The following FGB variants were observed in gnomAD, a reference collection of about 807,000 sequenced individuals.
FGB encodes the protein beta-fibrinogen.
FGB carries 25 observed loss-of-function variants against 57.9 expected under a neutral mutation model. The ratio of observed to expected loss-of-function variants is 0.43; its 90% CI spans 0.31 to 0.60. The LOEUF (loss-of-function observed/expected upper bound fraction) is 0.60. Ranked by LOEUF, FGB falls within the 20% of genes least tolerant of loss-of-function variation. The probability of loss-of-function intolerance (pLI) is 0.08; values close to 1 mark genes in which losing one functional copy is unlikely to be tolerated. For missense variants in FGB, 536 were observed against 598.4 expected, an observed-to-expected ratio of 0.90 and a Z score of 1.09; for synonymous variants, 203 against 199.2, an observed-to-expected ratio of 1.02 and a Z score of -0.16.
Position 154,570,843 on chromosome 4 carries a change from C to G in FGB, c.*193C>G. 1.6e-6 allele frequency: 1 copy of G among 626,656 alleles called. No individual in the cohort carries two copies. The highest frequency in any genetic ancestry group is 2.9e-6 in the Non-Finnish European group (1 of 346,820). 38.8% of individuals were successfully genotyped at this position (626,656 alleles called of 1,614,324 possible). A position where few individuals can be genotyped will look rare whatever the true frequency, so the allele number is the denominator to read the frequency against. ...TCTTTTGTTTTCTTCATTTCTCTTGCTCACCAAGAAGTAACAAAAGTATAG... is the reference window on the plus strand; with the variant it reads ...TCTTTTGTTTTCTTCATTTCTCTTGGTCACCAAGAAGTAACAAAAGTATAG... On this transcript the variant is annotated 3_prime_UTR_variant, in exon 8 of 8. Coordinates refer to ENST00000302068, the MANE Select transcript of FGB (RefSeq NM_005141.5).
At chr4:154,568,600 C>G in intron 5 of FGB, 106 bp downstream of exon 5, 2 of 736,494 alleles carry the variant, frequency 2.7e-6, no homozygotes, top group South Asian at 2.8e-5. Context: ...AATTCCAGCA[C>G]CTTGGGAGGC....
Position 154,565,915 on chromosome 4 carries a change from T to A in FGB, c.222T>A (p.Arg74=). The change falls in exon 2 of 8, where the codon CGT becomes CGA. Residue 74 remains arginine (R), a synonymous_variant. Coordinates refer to ENST00000302068, the MANE Select transcript of FGB (RefSeq NM_005141.5). ...TCAGTGGAGGTGGCTATCGGGCTCG[T>A]CCAGCCAAAGCAGCTGCCACTCAAA... ...PPISGGGYRA[R]PAKAAATQKK... is the part of the protein sequence containing the mutation. 2 of 1,614,014 alleles carry A rather than the reference T, an allele frequency of 1.2e-6. No homozygotes were observed. The highest frequency in any genetic ancestry group is 8.5e-7 in the Non-Finnish European group (1 of 1,180,022).
At position 154,570,685 on chromosome 4, in the gene FGB, GACA is replaced by G. The variant is rs758707026; in HGVS notation, c.*39_*41del. 2.6e-6 allele frequency: 4 copies of G among 1,509,632 alleles called. No individual in the cohort carries two copies. In the African/African-American group the frequency reaches 5.5e-5, roughly 21 times the overall value. The allele number at this position is 1,509,632 out of a possible 1,614,324, so 93.5% of individuals were successfully genotyped here. A position where few individuals can be genotyped will look rare whatever the true frequency, so the allele number is the denominator to read the frequency against. ...CGTAGATTTTTGCTCTTCTGTATGT[GACA>G]ACATTTTTGTACATTATGTTATTGG... On this transcript the variant is annotated 3_prime_UTR_variant, in exon 8 of 8. Transcript: ENST00000302068.
rs956243830 is a variant in FGB at position 154,572,322 on chromosome 4, G to A, written c.*1672G>A. On this transcript the variant is annotated 3_prime_UTR_variant, in exon 8 of 8. Coordinates refer to ENST00000302068, the MANE Select transcript of FGB (RefSeq NM_005141.5). ...CCCTATTGATTCCAACAGGGATGGC[G>A]CCTTGTCCAAGAAGAGACCCAGAGC... 1.3e-5 allele frequency among the ~76,000 whole-genome samples: 2 copies of A among 152,128 alleles called. No homozygotes were observed. Among genetic ancestry groups the A allele is most frequent in the Admixed American group, 6.6e-5 (1 of 15,266 alleles).
chr4:154,563,007 A>G, upstream of FGB: 1 of 1,331,706 alleles, frequency 7.5e-7, no homozygotes, highest in Non-Finnish European at 1.1e-6. Flanking sequence ...AAGATCTCTC[A>G]GTTAAGTCTA....
rs1222826621 is a variant in FGB at position 154,566,505 on chromosome 4, C to T, written c.323C>T (p.Thr108Ile). The change falls in exon 3 of 8, where the codon ACA becomes ATA. Residue 108 changes from threonine to isoleucine, a missense_variant. Around this residue, in one of 3 missense-constraint regions of FGB, gnomAD observed 354 missense variants for 383.4 expected, o/e 0.92. Transcript: ENST00000302068. Reference protein sequence around the residue: ...ADPDLGVLCPTGCQLQEALLQ... With the variant: ...ADPDLGVLCPIGCQLQEALLQ... ...TGTTTTTAGGGGGTGTTGTGTCCTA[C>T]AGGATGTCAGTTGCAAGAGGCTTTG... 6.2e-6 allele frequency: 10 copies of T among 1,613,960 alleles called. No homozygotes were observed. The Admixed American group carries it at 1.5e-4, about 24-fold the overall frequency.
chr4:154,569,590 G>C lies in FGB; in HGVS notation c.1035G>C (p.Glu345Asp), dbSNP rs755184215. Residue 345 changes from glutamate (E) to aspartate (D), a missense_variant, in exon 7 of 8, where the codon GAG becomes GAC. Glu to Asp is a conservative substitution (Grantham distance 45, BLOSUM62 2). Coordinates refer to ENST00000302068, the MANE Select transcript of FGB (RefSeq NM_005141.5). ...MGPTELLIEM[E>D]DWKGDKVKAH... ...CCACAGAACTTTTGATAGAAATGGA[G>C]GACTGGAAAGGAGACAAAGTAAAGG... is the stretch of plus-strand genomic sequence containing the variant. 2 of 1,614,040 alleles carry C rather than the reference G, an allele frequency of 1.2e-6. No individual in the cohort carries two copies. Among genetic ancestry groups the C allele is most frequent in the South Asian group, 1.1e-5 (1 of 91,068 alleles).
chr4:154,572,299 C>T lies in FGB; in HGVS notation c.*1649C>T, dbSNP rs950760209. Among the ~76,000 whole-genome samples, 1 of 152,100 alleles carries T rather than the reference C, an allele frequency of 6.6e-6. No individual in the cohort carries two copies. Among genetic ancestry groups the T allele is most frequent in the Non-Finnish European group, 1.5e-5 (1 of 68,016 alleles). The stretch of plus-strand genomic sequence containing the variant: ...CCTGCACATGTGTCATGCTGGAGCC[C>T]TATTGATTCCAACAGGGATGGCGCC... On this transcript the variant is annotated 3_prime_UTR_variant, in exon 8 of 8. Coordinates refer to ENST00000302068, the MANE Select transcript of FGB (RefSeq NM_005141.5).
rs1578783589 is a variant in FGB at position 154,567,832 on chromosome 4, A to G, written c.718+12A>G. On this transcript the variant is annotated intron_variant, in intron 4 of 7. Coordinates refer to ENST00000302068, the MANE Select transcript of FGB (RefSeq NM_005141.5). ...GGTGTCTGGCAAAGGTAACTGATTC[A>G]TAAACATATTTTTAGAGAGTTCCAG... 6.3e-7 allele frequency: 1 copy of G among 1,583,224 alleles called. No homozygotes were observed. The highest frequency in any genetic ancestry group is 8.7e-7 in the Non-Finnish European group (1 of 1,152,760).
At chr4:154,568,302 T>C (rs1472140027) in intron 4 of FGB, 79 bp from the exon 5 acceptor site, 2 of 804,762 alleles carry the variant, frequency 2.5e-6, no homozygotes, top group East Asian at 2.4e-5. Context: ...TTATGTAATG[T>C]TATTTTAAAG....
chr4:154,566,086 C>A, intron 2 of FGB, 87 bp downstream of exon 2: 1 of 1,073,004 alleles, frequency 9.3e-7, no homozygotes, highest in Non-Finnish European at 1.4e-6. Flanking sequence ...TTTCACTGAC[C>A]CACATTACCA....
intron 3 of FGB, among the ~76,000 whole-genome samples, chr4:154,567,391 T>C (rs1340684256): frequency 6.6e-6 from 1 of 152,220 alleles, no homozygotes; most frequent in African/African-American, 2.4e-5. Context: ...GGTAAATTAC[T>C]AGTATGGTGG....
chr4:154,565,695 A>T, intron 1 of FGB, 113 bp from the exon 2 acceptor site: 1 of 1,119,200 alleles, frequency 8.9e-7, no homozygotes, highest in Admixed American at 2.1e-5. Flanking sequence ...GATGGATCTT[A>T]AGCAAATTAT....
At chr4:154,565,615 TGCAG>T in intron 1 of FGB, 189 bp from the exon 2 acceptor site, 2 of 604,728 alleles carry the variant, frequency 3.3e-6, no homozygotes, top group Admixed American at 3.0e-5. Flanking sequence ...AGCTTTTTTG[TGCAG>T]TTGGTCTTTC....
At chr4:154,566,339 G>T in intron 2 of FGB, 150 bp from the exon 3 acceptor site, 1 of 732,112 alleles carries the variant, frequency 1.4e-6, no homozygotes, top group East Asian at 2.7e-5. Context: ...AGAGTATGAT[G>T]ATGACTTTCG....
In FGB at chr4:154,570,664, G is replaced by A. The variant is rs1225429029; in HGVS notation, c.*14G>A. 3 of 1,599,394 alleles carry A rather than the reference G, an allele frequency of 1.9e-6. No individual in the cohort carries two copies. The highest frequency in any genetic ancestry group is 8.6e-7 in the Non-Finnish European group (1 of 1,166,756). On this transcript the variant is annotated 3_prime_UTR_variant, in exon 8 of 8. Coordinates refer to ENST00000302068, the MANE Select transcript of FGB (RefSeq NM_005141.5). Reference sequence around the variant, plus strand: ...CCACAGCAATAGTCCCCAATACGTAGATTTTTGCTCTTCTGTATGTGACAA... The same window carrying A: ...CCACAGCAATAGTCCCCAATACGTAAATTTTTGCTCTTCTGTATGTGACAA...
At position 154,569,502 on chromosome 4, in the gene FGB, T is replaced by C. The variant is rs1560818682; in HGVS notation, c.959-12T>C. ...TTATTTTTGGTGAGATTTTATTTTG[T>C]TTTTCTTTTAGGTGAATATTGGCTT... On this transcript the variant is annotated splice_polypyrimidine_tract_variant and intron_variant, in intron 6 of 7. Coordinates refer to ENST00000302068, the MANE Select transcript of FGB (RefSeq NM_005141.5). 4.5e-6 allele frequency: 7 copies of C among 1,568,612 alleles called. No homozygotes were observed. The highest frequency in any genetic ancestry group is 5.2e-6 in the Non-Finnish European group (6 of 1,155,386).
At position 154,571,596 on chromosome 4, in the gene FGB, G is replaced by A. The variant is rs905446767; in HGVS notation, c.*946G>A. On this transcript the variant is annotated 3_prime_UTR_variant, in exon 8 of 8. Transcript: ENST00000302068. ...CAAGTCTTCACCAAGTGTTTTTTAA[G>A]CGAAATAATGAAATAGGGAGCAGAA... 1.3e-5 allele frequency among the ~76,000 whole-genome samples: 2 copies of A among 152,126 alleles called. No individual in the cohort carries two copies. The highest frequency in any genetic ancestry group is 2.9e-5 in the Non-Finnish European group (2 of 68,024).
At chr4:154,568,302 T>G in intron 4 of FGB, 79 bp from the exon 5 acceptor site, 3 of 804,880 alleles carry the variant, frequency 3.7e-6, no homozygotes, top group Non-Finnish European at 6.7e-6. Flanking sequence ...TTATGTAATG[T>G]TATTTTAAAG....
Sources: gnomAD v4.1 joint callset for allele counts (sites outside exome capture counted in the v4.1 genomes callset) on GRCh38, gnomAD v4.1.1 for gene constraint, gnomAD v4.1.1 regional missense constraint, MANE v1.5 for transcripts, NCBI Gene and HGNC (gene_info 2026-07-23, HGNC 2026-07-21) for gene names.